SH2D4A: variants seen among roughly 807,000 people sequenced by gnomAD.
The protein encoded by SH2D4A is SH2 domain-containing protein 4A.
In SH2D4A, 70 loss-of-function variants were observed where a neutral mutation model predicts 64.7. The observed-to-expected ratio is 1.08, with a 90% CI of 0.89 to 1.32. SH2D4A has a LOEUF of 1.32. Ranked by LOEUF, SH2D4A falls within the 40% of genes most tolerant of loss-of-function variation. The pLI, the probability that SH2D4A is intolerant of heterozygous loss-of-function variation, is 0.00. For missense variants in SH2D4A, 706 were observed against 540.1 expected (o/e 1.31, Z -3.04); for synonymous variants, 268 against 200.7 (o/e 1.34, Z -2.83).
At chr8:19,340,972 T>C (rs1413405605) in intron 4 of SH2D4A, among the ~76,000 whole-genome samples, 1 of 152,196 alleles carries the variant, frequency 6.6e-6, no homozygotes, top group African/African-American at 2.4e-5. Context: ...ACAATAATCC[T>C]GTGAAACAAA....
At chr8:19,352,771 C>G (rs2052728257) in intron 4 of SH2D4A, among the ~76,000 whole-genome samples, 1 of 152,094 alleles carries the variant, frequency 6.6e-6, no homozygotes. Context: ...CTTTGGGAGG[C>G]TGAGGTGGGA....
intron 8 of SH2D4A, among the ~76,000 whole-genome samples, chr8:19,383,971 C>T (rs1360195577): frequency 6.6e-6 from 1 of 152,082 alleles, no homozygotes; most frequent in Admixed American, 6.5e-5. Flanking sequence ...ATGTAAAGTG[C>T]TTAGAACAGT....
intron 7 of SH2D4A, among the ~76,000 whole-genome samples, chr8:19,365,979 C>T (rs1283171050): frequency 6.6e-6 from 1 of 152,050 alleles, no homozygotes; most frequent in Non-Finnish European, 1.5e-5. Flanking sequence ...CTCCGAAAAT[C>T]ATTAGGGATA....
chr8:19,362,319 T>G (rs2052904464), intron 6 of SH2D4A, among the ~76,000 whole-genome samples: 1 of 152,254 alleles, frequency 6.6e-6, no homozygotes, highest in Admixed American at 6.5e-5. Context: ...CAATACTGCC[T>G]GAAGTGTAAA....
chr8:19,374,945 G>T (rs532485806), intron 8 of SH2D4A, among the ~76,000 whole-genome samples: 1 of 152,262 alleles, frequency 6.6e-6, no homozygotes, highest in East Asian at 1.9e-4. Context: ...GACAGAAGAT[G>T]CTGTCATCTC....
At position 19,378,620 on chromosome 8, in the gene SH2D4A, G is replaced by C. The variant is rs534322538; in HGVS notation, c.1048+4960G>C. Among the ~76,000 whole-genome samples, 13 of 152,224 alleles carry C rather than the reference G, an allele frequency of 8.5e-5. No homozygotes were observed. The East Asian group carries it at 2.3e-3, about 27-fold the overall frequency. On this transcript the variant is annotated intron_variant, in intron 8 of 9. Coordinates refer to ENST00000265807, the MANE Select transcript of SH2D4A (RefSeq NM_022071.4). ...CCTGCTAACTTGTGTATTTTTAGTAGAGATGGGGTTTCATCATGTTGGCCA... is the reference window on the plus strand; with the variant it reads ...CCTGCTAACTTGTGTATTTTTAGTACAGATGGGGTTTCATCATGTTGGCCA...
At chr8:19,322,940 G>A (rs927347216) in intron 2 of SH2D4A, among the ~76,000 whole-genome samples, 2 of 152,110 alleles carry the variant, frequency 1.3e-5, no homozygotes, top group African/African-American at 2.4e-5. Flanking sequence ...CTCCCAAAGT[G>A]CTGGGATTAC....
intron 7 of SH2D4A, among the ~76,000 whole-genome samples, chr8:19,366,142 TTG>T (rs1252279994): frequency 2.6e-5 from 4 of 152,166 alleles, no homozygotes; most frequent in African/African-American, 9.7e-5. Flanking sequence ...ATTGTGGTGG[TTG>T]TGTTTCATAA....
intron 8 of SH2D4A, among the ~76,000 whole-genome samples, chr8:19,374,636 T>G (rs927742256): frequency 2.0e-5 from 3 of 152,292 alleles, no homozygotes; most frequent in Admixed American, 1.3e-4. Context: ...GCTTGTGTGG[T>G]CAGAACGTCA....
At position 19,364,156 on chromosome 8, in the gene SH2D4A, C is replaced by T. The variant is rs772284850; in HGVS notation, c.791C>T (p.Ala264Val). The T allele has an allele frequency of 3.0e-5, 49 of 1,614,066 alleles. No individual in the cohort carries two copies. The East Asian group carries it at 7.4e-4, about 24-fold the overall frequency. The change falls in exon 7 of 10, where the codon GCC becomes GTC. Residue 264 changes from alanine to valine, a missense_variant. Ala to Val is a moderately conservative substitution (Grantham distance 64). Coordinates refer to ENST00000265807, the MANE Select transcript of SH2D4A (RefSeq NM_022071.4). ...GACTACAAGAGGTTATCCCTCGGGG[C>T]CCAGAAAGGAAGAGGCGGTGAGAGG... ...REDYKRLSLG[A>V]QKGRGGERLQ...
intron 1 of SH2D4A, among the ~76,000 whole-genome samples, chr8:19,318,150 C>G (rs760935230): frequency 6.6e-6 from 1 of 152,208 alleles, no homozygotes; most frequent in East Asian, 1.9e-4. Context: ...GTGATCCCCC[C>G]TCTTTGGCCT....
chr8:19,387,499 C>T (rs2053410332), intron 8 of SH2D4A, among the ~76,000 whole-genome samples: 1 of 152,280 alleles, frequency 6.6e-6, no homozygotes, highest in African/African-American at 2.4e-5. Context: ...GTCAGCCTCC[C>T]AAAGTGCTGG....
chr8:19,324,318 G>A (rs1267774252), intron 2 of SH2D4A, among the ~76,000 whole-genome samples: 1 of 152,258 alleles, frequency 6.6e-6, no homozygotes, highest in East Asian at 1.9e-4. Flanking sequence ...GTGTGCCCTT[G>A]AAACAGACTT....
chr8:19,365,944 A>G (rs906377170), intron 7 of SH2D4A, among the ~76,000 whole-genome samples: 9 of 152,166 alleles, frequency 5.9e-5, no homozygotes, highest in African/African-American at 2.2e-4. Context: ...GGAAGTAAAT[A>G]TTATAGGATA....
At chr8:19,389,469 G>T (rs2053449342) in intron 8 of SH2D4A, among the ~76,000 whole-genome samples, 1 of 152,156 alleles carries the variant, frequency 6.6e-6, no homozygotes, top group Non-Finnish European at 1.5e-5. Context: ...AGAGGAGTGG[G>T]ACCTCCTCCA....
chr8:19,353,099 A>G (rs1221310109), intron 4 of SH2D4A, among the ~76,000 whole-genome samples: 2 of 152,182 alleles, frequency 1.3e-5, no homozygotes, highest in Admixed American at 6.5e-5. Context: ...ATGAAGGTCA[A>G]TGATGTATTA....
chr8:19,355,156 G>A (rs1327925596), intron 4 of SH2D4A, among the ~76,000 whole-genome samples: 1 of 152,098 alleles, frequency 6.6e-6, no homozygotes, highest in South Asian at 2.1e-4. Context: ...ACTTGCGGGA[G>A]TATTAAGAAA....
intron 7 of SH2D4A, among the ~76,000 whole-genome samples, chr8:19,369,431 G>A (rs1421597349): frequency 6.6e-6 from 1 of 151,992 alleles, no homozygotes; most frequent in Non-Finnish European, 1.5e-5. Flanking sequence ...TTCTTTAAAT[G>A]ATTGATAGGA....
intron 1 of SH2D4A, among the ~76,000 whole-genome samples, chr8:19,315,596 T>C (rs2052074824): frequency 6.6e-6 from 1 of 152,244 alleles, no homozygotes; most frequent in Non-Finnish European, 1.5e-5. Flanking sequence ...TCTGACCTTT[T>C]AGCAATTGGT....
Sources: gnomAD v4.1 joint callset for allele counts (sites outside exome capture counted in the v4.1 genomes callset) on GRCh38, gnomAD v4.1.1 for gene constraint, MANE v1.5 for transcripts, NCBI Gene and HGNC (gene_info 2026-07-23, HGNC 2026-07-21) for gene names.